Variants in STK32B observed in about 807,000 individuals in gnomAD.
STK32B encodes serine/threonine-protein kinase 32B.
A neutral mutation model predicts 52.6 loss-of-function variants in STK32B; 43 were observed. The observed-to-expected ratio is 0.82, with a 90% CI of 0.64 to 1.05. The LOEUF is 1.05. Ranked by LOEUF, STK32B falls within the 50% of genes least tolerant of loss-of-function variation. The pLI is 0.00. For synonymous variants in STK32B, 238 were observed against 204.3 expected, an observed-to-expected ratio of 1.17 and a Z score of -1.41; for missense variants, 621 against 534.6, an observed-to-expected ratio of 1.16 and a Z score of -1.59.
At chr4:5,123,763 C>T (rs1351614091) in intron 1 of STK32B, among the ~76,000 whole-genome samples, 1 of 152,090 alleles carries the variant, frequency 6.6e-6, no homozygotes, top group Non-Finnish European at 1.5e-5. Context: ...TAAGCAAATC[C>T]AGTCACATTC....
chr4:5,312,037 C>G (rs1251067951), intron 3 of STK32B, among the ~76,000 whole-genome samples: 2 of 151,272 alleles, frequency 1.3e-5, no homozygotes, highest in African/African-American at 4.8e-5. Flanking sequence ...TTCTTCTCTC[C>G]ATTATATATT....
At chr4:5,185,196 T>C (rs1184591141) in intron 3 of STK32B, among the ~76,000 whole-genome samples, 1 of 152,232 alleles carries the variant, frequency 6.6e-6, no homozygotes, top group Non-Finnish European at 1.5e-5. Context: ...TTGGCTGTAT[T>C]TACTAGACTC....
intron 3 of STK32B, among the ~76,000 whole-genome samples, chr4:5,231,411 G>A (rs939215956): frequency 6.6e-6 from 1 of 152,142 alleles, no homozygotes; most frequent in African/African-American, 2.4e-5. Context: ...AGGAGTTCGA[G>A]ACCAGCCTGG....
At chr4:5,214,793 A>G (rs1723093128) in intron 3 of STK32B, among the ~76,000 whole-genome samples, 1 of 152,160 alleles carries the variant, frequency 6.6e-6, no homozygotes, top group South Asian at 2.1e-4. Context: ...CCTTAACATT[A>G]TATTTTGGCA....
chr4:5,349,762 C>T (rs1733709041), intron 4 of STK32B, among the ~76,000 whole-genome samples: 1 of 151,932 alleles, frequency 6.6e-6, no homozygotes, highest in African/African-American at 2.4e-5. Context: ...CAGGATATGC[C>T]TGAGAAATCT....
intron 9 of STK32B, among the ~76,000 whole-genome samples, chr4:5,462,788 C>T (rs537867038): frequency 6.6e-6 from 1 of 152,142 alleles, no homozygotes; most frequent in Non-Finnish European, 1.5e-5. Flanking sequence ...CAGTAGCATC[C>T]CCTCTGTTGT....
At chr4:5,050,662 G>C (rs1321918016), upstream of STK32B, among the ~76,000 whole-genome samples, 1 of 152,194 alleles carries the variant, frequency 6.6e-6, no homozygotes, top group Non-Finnish European at 1.5e-5. Context: ...CGGAGAGCTG[G>C]GCCCGCAGGA....
At chr4:5,336,796 A>G (rs2108963400) in intron 4 of STK32B, among the ~76,000 whole-genome samples, 1 of 152,328 alleles carries the variant, frequency 6.6e-6, no homozygotes, top group East Asian at 1.9e-4. Flanking sequence ...AAACAATGAA[A>G]GAACAATCTC....
At chr4:5,039,414 C>T in the STK32B span, among the ~76,000 whole-genome samples, 6 of 152,284 alleles carry the variant, frequency 3.9e-5, no homozygotes, top group East Asian at 1.9e-4. Flanking sequence ...CTCACAGGGT[C>T]GGGATCATCA....
chr4:5,311,421 G>T (rs1161553771), intron 3 of STK32B, among the ~76,000 whole-genome samples: 1 of 152,070 alleles, frequency 6.6e-6, no homozygotes, highest in East Asian at 1.9e-4. Flanking sequence ...CAAGCTGAAA[G>T]AATGAAATAA....
rs111555214 is a variant in STK32B at position 5,100,000 on chromosome 4, T to TA, written c.53-39891dup. 4.3e-3 allele frequency among the ~76,000 whole-genome samples: 600 copies of TA among 139,488 alleles called. 2 individuals are homozygous for TA. The highest frequency in any genetic ancestry group is 7.6e-3 in the African/African-American group (290 of 38,036). 91.5% of individuals were successfully genotyped at this position (139,488 alleles called of 152,430 possible). ...AAAGTTTATGTTTAATTCAGTTCTT[T>TA]AAAAAAAAAAAAAACACTGAATAGG... On this transcript the variant is annotated intron_variant, in intron 1 of 11. Transcript: ENST00000282908.
chr4:5,445,191 C>G (rs1224226873), intron 6 of STK32B, among the ~76,000 whole-genome samples: 1 of 152,120 alleles, frequency 6.6e-6, no homozygotes, highest in Non-Finnish European at 1.5e-5. Flanking sequence ...AAATGTGAAG[C>G]AAATGGAGAA....
At chr4:5,299,800 A>C (rs964072660) in intron 3 of STK32B, among the ~76,000 whole-genome samples, 2 of 152,170 alleles carry the variant, frequency 1.3e-5, no homozygotes, top group African/African-American at 4.8e-5. Context: ...GTAATTTTAA[A>C]AACCTGTCAA....
At chr4:5,170,546 A>G (rs1006523607) in intron 3 of STK32B, among the ~76,000 whole-genome samples, 10 of 151,566 alleles carry the variant, frequency 6.6e-5, no homozygotes, top group African/African-American at 1.5e-4. Flanking sequence ...ACCTATGAGT[A>G]AGAACATGCA....
chr4:5,279,094 C>T (rs139815494), intron 3 of STK32B, among the ~76,000 whole-genome samples: 64 of 152,300 alleles, frequency 4.2e-4, no homozygotes, highest in African/African-American at 1.4e-3. Context: ...CATTTCAAAA[C>T]CAATCATGCC....
At chr4:5,438,278 G>A (rs1714304205) in intron 6 of STK32B, among the ~76,000 whole-genome samples, 1 of 152,224 alleles carries the variant, frequency 6.6e-6, no homozygotes, top group African/African-American at 2.4e-5. Context: ...GGGCTCAGTG[G>A]TGGGATCCAG....
intron 3 of STK32B, among the ~76,000 whole-genome samples, chr4:5,276,045 T>G (rs1264616343): frequency 6.6e-6 from 1 of 152,028 alleles, no homozygotes; most frequent in Non-Finnish European, 1.5e-5. Context: ...CCCCAGCACT[T>G]TCGGAGGCCG....
At chr4:5,085,370 A>G (rs1472276390) in intron 1 of STK32B, among the ~76,000 whole-genome samples, 2 of 152,242 alleles carry the variant, frequency 1.3e-5, no homozygotes, top group Non-Finnish European at 2.9e-5. Context: ...GATTGACAAT[A>G]TAGCATATTA....
At chr4:5,457,045 G>A (rs1391231185) in intron 8 of STK32B, 122 bp downstream of exon 8, 2 of 679,026 alleles carry the variant, frequency 2.9e-6, no homozygotes, top group Non-Finnish European at 4.6e-6. Context: ...GATCAAATCA[G>A]CTGCGCTCAA....
Sources: allele counts gnomAD v4.1 joint callset (sites outside exome capture counted in the v4.1 genomes callset), GRCh38; gene constraint gnomAD v4.1.1; transcripts MANE v1.5; gene names NCBI Gene and HGNC (gene_info 2026-07-23, HGNC 2026-07-21).